Variants in ZSWIM5 observed in about 807,000 individuals in gnomAD.
The protein encoded by ZSWIM5 is zinc finger SWIM domain-containing protein 5.
A neutral mutation model predicts 119.6 loss-of-function variants in ZSWIM5; 55 were observed. The ratio of observed to expected loss-of-function variants is 0.46; its 90% CI spans 0.37 to 0.58. The LOEUF (loss-of-function observed/expected upper bound fraction) is 0.58, where lower values mean the gene tolerates loss of function less well. Among genes scored for constraint, ZSWIM5 ranks in the 20% least tolerant of loss-of-function variants. The pLI is 0.00. For missense variants in ZSWIM5, 1,193 were observed against 1,512.8 expected (o/e 0.79, Z 3.51); for synonymous variants, 537 against 606.9 (o/e 0.88, Z 1.69).
chr1:45,180,869 G>A (rs1646013408), intron 1 of ZSWIM5, among the ~76,000 whole-genome samples: 1 of 152,052 alleles, frequency 6.6e-6, no homozygotes, highest in South Asian at 2.1e-4. Flanking sequence ...CTGCAGCTGA[G>A]GGTCCTGTCT....
At chr1:45,137,353 C>T (rs570331361) in intron 1 of ZSWIM5, among the ~76,000 whole-genome samples, 1 of 152,086 alleles carries the variant, frequency 6.6e-6, no homozygotes, top group Non-Finnish European at 1.5e-5. Context: ...CTAATCCAAA[C>T]AGATTTTTAA....
intron 1 of ZSWIM5, among the ~76,000 whole-genome samples, chr1:45,109,462 C>A (rs187867533): frequency 9.0e-4 from 137 of 152,144 alleles, no homozygotes; most frequent in African/African-American, 3.2e-3. Context: ...AAGGTTATTC[C>A]TGGCTAGACG....
chr1:45,081,552 A>G (rs6694725), intron 2 of ZSWIM5, among the ~76,000 whole-genome samples: 3,109 of 152,270 alleles, frequency 0.02, 110 homozygotes, highest in African/African-American at 0.071. Flanking sequence ...ACCGCGAGTG[A>G]TCCGCCAGCC....
chr1:45,026,328 C>T (rs1242281558), intron 11 of ZSWIM5, among the ~76,000 whole-genome samples: 2 of 152,140 alleles, frequency 1.3e-5, no homozygotes, highest in Non-Finnish European at 2.9e-5. Context: ...AGCCACCACA[C>T]CCAGCCGGTA....
rs1297254355 is a variant in ZSWIM5, at chr1:45,088,182, C to T, written c.651G>A (p.Val217=). The part of the protein sequence containing the change: ...TELATASEPA[V]TYKVAISFDR... The stretch of plus-strand genomic sequence containing the variant: ...CAAAACTGATTGCAACTTTATAAGT[C>T]ACTGCTGGTTCAGAGGCAGTGGCCA... The change falls in exon 2 of 14, where the codon GTG becomes GTA. Residue 217 remains valine (V), a synonymous_variant. Transcript: ENST00000359600. This position sits in a 1 kb window ranked among gnomAD's most constrained non-coding sequence, Gnocchi z 4.2. 6.2e-7 allele frequency: 1 copy of T among 1,613,840 alleles called. No homozygotes were observed. Among genetic ancestry groups the T allele is most frequent in the African/African-American group, 1.3e-5 (1 of 74,928 alleles).
intron 5 of ZSWIM5, among the ~76,000 whole-genome samples, 182 bp from the exon 6 acceptor site, chr1:45,043,577 T>C (rs912638207): frequency 4.6e-5 from 7 of 152,190 alleles, no homozygotes; most frequent in African/African-American, 1.4e-4. Context: ...TCTCTCTGAG[T>C]ATCTGTTGTG....
In ZSWIM5 at chr1:45,088,882, T is replaced by G. The variant is rs1056237573; in HGVS notation, c.596-645A>C. 2.6e-5 allele frequency among the ~76,000 whole-genome samples: 4 copies of G among 152,040 alleles called. No homozygotes were observed. Among genetic ancestry groups the G allele is most frequent in the African/African-American group, 9.7e-5 (4 of 41,416 alleles). ...GCACACAGTAACAATAATTTTGAAA[T>G]GTAGGGAGAACCCATTTTTAACGTA... On this transcript the variant is annotated intron_variant, in intron 1 of 13. Transcript: ENST00000359600. The surrounding 1 kb of genome is among the most constrained non-coding windows in gnomAD (Gnocchi z 4.2).
chr1:45,192,059 T>C (rs1308363672), intron 1 of ZSWIM5, among the ~76,000 whole-genome samples: 1 of 152,210 alleles, frequency 6.6e-6, no homozygotes, highest in Non-Finnish European at 1.5e-5. Flanking sequence ...CTACTTTCTG[T>C]CTCTAGGATT....
intron 1 of ZSWIM5, among the ~76,000 whole-genome samples, chr1:45,188,935 C>A (rs1403246514): frequency 1.3e-5 from 2 of 152,160 alleles, no homozygotes; most frequent in Non-Finnish European, 2.9e-5. Flanking sequence ...AAATAAAGTT[C>A]TAAATAAAAC....
chr1:45,160,990 T>TTTC (rs903668599), intron 1 of ZSWIM5, among the ~76,000 whole-genome samples: 10 of 129,104 alleles, frequency 7.7e-5, no homozygotes, highest in African/African-American at 3.0e-4. Context: ...CCCGGCTAAA[T>TTTC]TTTTTTTTTT....
chr1:45,021,680 G>C (rs537237114), intron 11 of ZSWIM5, among the ~76,000 whole-genome samples: 2 of 152,268 alleles, frequency 1.3e-5, no homozygotes, highest in African/African-American at 4.8e-5. Flanking sequence ...ACAGGCTTTG[G>C]AATAAAACAC....
chr1:45,125,986 T>C (rs113308578), intron 1 of ZSWIM5, among the ~76,000 whole-genome samples: 3,130 of 152,038 alleles, frequency 0.021, 117 homozygotes, highest in African/African-American at 0.072. Flanking sequence ...GAGGATTGCT[T>C]GAACCCAGGA....
At chr1:45,154,008 A>C (rs1041087164) in intron 1 of ZSWIM5, among the ~76,000 whole-genome samples, 1 of 152,184 alleles carries the variant, frequency 6.6e-6, no homozygotes, top group Non-Finnish European at 1.5e-5. Flanking sequence ...ATAGCTGGGA[A>C]AACAATAAAA....
intron 2 of ZSWIM5, among the ~76,000 whole-genome samples, chr1:45,079,584 C>T (rs1645276852): frequency 6.6e-6 from 1 of 152,184 alleles, no homozygotes; most frequent in Non-Finnish European, 1.5e-5. Context: ...GAATAAAGGA[C>T]CCCAAGAGGT....
intron 1 of ZSWIM5, among the ~76,000 whole-genome samples, chr1:45,146,431 CTTTTTTTTTTTTTT>C (rs35073818): frequency 4.4e-5 from 2 of 45,882 alleles, no homozygotes; most frequent in Non-Finnish European, 3.9e-5. Context: ...TGTTTCTAGA[CTTTTTTTTTTTTTT>C]TTTTTTTTTT....
At chr1:45,074,932 T>G (rs966866847) in intron 2 of ZSWIM5, among the ~76,000 whole-genome samples, 1 of 151,954 alleles carries the variant, frequency 6.6e-6, no homozygotes, top group African/African-American at 2.4e-5. Context: ...TCATTGGTTT[T>G]AAGAAAATTT....
At chr1:45,085,182 A>G (rs1645319070) in intron 2 of ZSWIM5, among the ~76,000 whole-genome samples, 1 of 152,240 alleles carries the variant, frequency 6.6e-6, no homozygotes, top group South Asian at 2.1e-4. Flanking sequence ...CCTAAGACAT[A>G]TCTGGGGCCC....
In ZSWIM5 at chr1:45,194,138, C is replaced by T. The variant is rs116172733; in HGVS notation, c.595+11618G>A. ...GATGTTGGCTACTCATATCAGTTAGCAGGTATTGACAGATTTAAACAAAAT... is the reference window on the plus strand; with the variant it reads ...GATGTTGGCTACTCATATCAGTTAGTAGGTATTGACAGATTTAAACAAAAT... On this transcript the variant is annotated intron_variant, in intron 1 of 13. Coordinates refer to ENST00000359600, the MANE Select transcript of ZSWIM5 (RefSeq NM_020883.2). Among the ~76,000 whole-genome samples the T allele has an allele frequency of 6.8e-3, 1,038 of 152,160 alleles. 14 individuals are homozygous for T. The highest frequency in any genetic ancestry group is 0.024 in the African/African-American group (982 of 41,494).
chr1:45,200,366 T>C (rs755022927), intron 1 of ZSWIM5, among the ~76,000 whole-genome samples: 1 of 152,210 alleles, frequency 6.6e-6, no homozygotes, highest in Non-Finnish European at 1.5e-5. Flanking sequence ...GCATGCTGCC[T>C]ATGTTAGAAA....
Sources: gnomAD v4.1 joint callset for allele counts (sites outside exome capture counted in the v4.1 genomes callset) on GRCh38, gnomAD v4.1.1 for gene constraint, Gnocchi (gnomAD v3.1) non-coding constraint, MANE v1.5 for transcripts, NCBI Gene and HGNC (gene_info 2026-07-23, HGNC 2026-07-21) for gene names.